The following PCDHGA12 variants were observed in gnomAD, a reference collection of about 807,000 sequenced individuals.
PCDHGA12 encodes the protein protocadherin gamma subfamily A, 12, also known as protocadherin gamma-A12.
Under a neutral mutation model 61.1 loss-of-function variants are expected in PCDHGA12, and 43 were observed. The observed-to-expected ratio is 0.70, with a 90% CI of 0.55 to 0.91. The LOEUF is 0.91. PCDHGA12 is among the 40% of genes least tolerant of loss of function. The probability of loss-of-function intolerance (pLI) is 0.00; values close to 1 mark genes in which losing one functional copy is unlikely to be tolerated. For synonymous variants in PCDHGA12, 520 were observed against 542.9 expected (o/e 0.96, Z 0.59); for missense variants, 1,236 against 1,227.7 (o/e 1.01, Z -0.10).
chr5:141,460,983 G>A (rs12516231), intron 1 of PCDHGA12, among the ~76,000 whole-genome samples: 37,603 of 137,412 alleles, frequency 0.27, 5,103 homozygotes, highest in Admixed American at 0.34. Flanking sequence ...GTGTGTGTGT[G>A]TATATATATA....
At chr5:141,445,782 G>A (rs530081823) in intron 1 of PCDHGA12, among the ~76,000 whole-genome samples, 1 of 152,310 alleles carries the variant, frequency 6.6e-6, no homozygotes, top group East Asian at 1.9e-4. Flanking sequence ...AAGGGCTAGG[G>A]AGGCTAGAAA....
At chr5:141,508,483 G>T (rs1186425031) in intron 3 of PCDHGA12, among the ~76,000 whole-genome samples, 2 of 152,154 alleles carry the variant, frequency 1.3e-5, no homozygotes, top group East Asian at 3.9e-4. Context: ...TTACATTCTG[G>T]ATTTCCATAT....
rs1414210927 is a variant in PCDHGA12, at chr5:141,477,460, C to G, written c.2425-17347C>G. 1.9e-6 allele frequency: 3 copies of G among 1,614,014 alleles called. No homozygotes were observed. The highest frequency in any genetic ancestry group is 2.5e-6 in the Non-Finnish European group (3 of 1,180,028). On this transcript the variant is annotated intron_variant, in intron 1 of 3. Transcript: ENST00000252085. The surrounding 1 kb of genome is among the most constrained non-coding windows in gnomAD (Gnocchi z 4.9). ...TTACAATAGTGCGTGTTCAAGTGTC[C>G]GACATCAATGACAACCCTCCACAAT...
rs2154591169 is a variant in PCDHGA12 at position 141,493,606 on chromosome 5, T to A, written c.2425-1201T>A. Among the ~76,000 whole-genome samples, 1 of 152,278 alleles carries A rather than the reference T, an allele frequency of 6.6e-6. No homozygotes were observed. Among genetic ancestry groups the A allele is most frequent in the Non-Finnish European group, 1.5e-5 (1 of 68,022 alleles). ...ACAATCACTGCATTTCCATGTAGAT[T>A]CTGCTGTGTCTAAGAATACAGTGGC... On this transcript the variant is annotated intron_variant, in intron 1 of 3. Transcript: ENST00000252085. This position sits in a 1 kb window ranked among gnomAD's most constrained non-coding sequence, Gnocchi z 4.3.
intron 2 of PCDHGA12, among the ~76,000 whole-genome samples, chr5:141,498,191 A>G (rs2099782212): frequency 6.6e-6 from 1 of 152,270 alleles, no homozygotes; most frequent in African/African-American, 2.4e-5. Flanking sequence ...CAAATTAACC[A>G]GCTAAAGAAA....
chr5:141,497,775 A>G (rs2099779384), intron 2 of PCDHGA12, among the ~76,000 whole-genome samples: 2 of 152,054 alleles, frequency 1.3e-5, no homozygotes, highest in South Asian at 4.2e-4. Context: ...CCCGACCTCA[A>G]CTGATCCACC....
At chr5:141,455,605 T>C (rs930071553) in intron 1 of PCDHGA12, among the ~76,000 whole-genome samples, 2 of 152,098 alleles carry the variant, frequency 1.3e-5, no homozygotes, top group African/African-American at 4.8e-5. Flanking sequence ...TAGGGCGCCA[T>C]GGATGTTCTA....
intron 1 of PCDHGA12, among the ~76,000 whole-genome samples, chr5:141,467,116 A>T (rs981562543): frequency 2.0e-5 from 3 of 150,560 alleles, no homozygotes; most frequent in Non-Finnish European, 4.4e-5. Flanking sequence ...ACAATGGTGC[A>T]ATCTCAGCTC....
rs915257485 is a variant in PCDHGA12, at chr5:141,476,018, A to T, written c.2425-18789A>T. ...AACGGCATCCAGAAAGCCATGTCGG[A>T]CTCGGCGCCCAGCGCCCAAGCGCTA... On this transcript the variant is annotated intron_variant, in intron 1 of 3. Transcript: ENST00000252085. This position sits in a 1 kb window ranked among gnomAD's most constrained non-coding sequence, Gnocchi z 7.6. The T allele has an allele frequency of 5.8e-6, 8 of 1,371,412 alleles. No homozygotes were observed. Among genetic ancestry groups the T allele is most frequent in the Non-Finnish European group, 7.9e-6 (8 of 1,016,908 alleles). The allele number at this position is 1,371,412 out of a possible 1,614,324, so 85.0% of individuals were successfully genotyped here.
intron 1 of PCDHGA12, 108 bp downstream of exon 1, chr5:141,433,291 T>C: frequency 9.1e-7 from 1 of 1,094,048 alleles, no homozygotes; most frequent in Non-Finnish European, 1.3e-6. Context: ...ACTCCTAGGC[T>C]CAAGCAATTA....
rs986276637 is a variant in PCDHGA12, at chr5:141,487,728, C to A, written c.2425-7079C>A. The A allele has an allele frequency of 3.2e-6, 5 of 1,570,444 alleles. No individual in the cohort carries two copies. The highest frequency in any genetic ancestry group is 2.3e-5 in the East Asian group (1 of 42,866). On this transcript the variant is annotated intron_variant, in intron 1 of 3. Transcript: ENST00000252085. The surrounding 1 kb of genome is among the most constrained non-coding windows in gnomAD (Gnocchi z 5.0). ...TCAGTAAGTGCCCATAGTGATGTCACCATTTTTGTAAGAGGTAACTATGTG... is the reference window on the plus strand; with the variant it reads ...TCAGTAAGTGCCCATAGTGATGTCAACATTTTTGTAAGAGGTAACTATGTG...
At chr5:141,484,311 C>T (rs1234690996) in intron 1 of PCDHGA12, among the ~76,000 whole-genome samples, 2 of 152,196 alleles carry the variant, frequency 1.3e-5, no homozygotes, top group African/African-American at 4.8e-5. Flanking sequence ...CTCCACCCCG[C>T]TTCCATACTG....
Position 141,431,682 on chromosome 5 carries a change from A to C in PCDHGA12, c.923A>C (p.Asp308Ala). The C allele has an allele frequency of 1.2e-6, 2 of 1,614,232 alleles. No homozygotes were observed. Among genetic ancestry groups the C allele is most frequent in the Non-Finnish European group, 1.7e-6 (2 of 1,180,042 alleles). ...ACAATATCAACAATAGGGGAGTTGG[A>C]CCACGAGGAGTCAGGATTCTACCAG... ...SGTISTIGEL[D>A]HEESGFYQME... The change falls in exon 1 of 4, where the codon GAC (aspartate) becomes GCC (alanine). Residue 308 changes from aspartate (D) to alanine (A), a missense_variant. Asp to Ala is a moderately radical substitution (Grantham distance 126, BLOSUM62 -2). Transcript: ENST00000252085. The surrounding 1 kb of genome is among the most constrained non-coding windows in gnomAD (Gnocchi z 4.8).
At chr5:141,482,530 C>CAAAAAAAAAAAA (rs3074545) in intron 1 of PCDHGA12, among the ~76,000 whole-genome samples, 11 of 76,552 alleles carry the variant, frequency 1.4e-4, no homozygotes, top group African/African-American at 2.9e-4. Flanking sequence ...GACAGACATG[C>CAAAAAAAAAAAA]AAAAAAAAAA....
rs202006594 is a variant in PCDHGA12 at position 141,477,618 on chromosome 5, C to G, written c.2425-17189C>G. On this transcript the variant is annotated intron_variant, in intron 1 of 3. Coordinates refer to ENST00000252085, the MANE Select transcript of PCDHGA12 (RefSeq NM_003735.3). The surrounding 1 kb of genome is among the most constrained non-coding windows in gnomAD (Gnocchi z 4.9). ...TCTTTCTTTCTCTTGGAGCAAGGAGCTGAAACCGGGCTAGTGGGTCGCTAT... is the reference window on the plus strand; with the variant it reads ...TCTTTCTTTCTCTTGGAGCAAGGAGGTGAAACCGGGCTAGTGGGTCGCTAT... 6.2e-7 allele frequency: 1 copy of G among 1,614,176 alleles called. No individual in the cohort carries two copies. Among genetic ancestry groups the G allele is most frequent in the East Asian group, 2.2e-5 (1 of 44,890 alleles).
At chr5:141,478,074 A>G in intron 1 of PCDHGA12, 1 of 1,614,090 alleles carries the variant, frequency 6.2e-7, no homozygotes, top group Non-Finnish European at 8.5e-7. Context: ...GACAATGGGG[A>G]GCCTTCGCTC....
At chr5:141,483,100 G>A (rs1051736065) in intron 1 of PCDHGA12, among the ~76,000 whole-genome samples, 11 of 152,078 alleles carry the variant, frequency 7.2e-5, no homozygotes, top group South Asian at 2.1e-4. Flanking sequence ...AAAAGTGTGC[G>A]TGTAAAACAG....
rs765376157 is a variant in PCDHGA12 at position 141,486,033 on chromosome 5, A to G, written c.2425-8774A>G. 4.3e-6 allele frequency: 7 copies of G among 1,614,148 alleles called. No individual in the cohort carries two copies. The highest frequency in any genetic ancestry group is 5.9e-6 in the Non-Finnish European group (7 of 1,180,014). ...TTTTATTTCAGTGGTCATACCCCTG[A>G]TCGTGTAAGAAACCTCTTTAGCCTG... On this transcript the variant is annotated intron_variant, in intron 1 of 3. Transcript: ENST00000252085. This position sits in a 1 kb window ranked among gnomAD's most constrained non-coding sequence, Gnocchi z 5.0.
chr5:141,437,956 T>A (rs998689841), intron 1 of PCDHGA12, among the ~76,000 whole-genome samples: 6 of 152,178 alleles, frequency 3.9e-5, no homozygotes, highest in African/African-American at 1.4e-4. Context: ...CAGAATGGTC[T>A]TGATCTCTTG....
Sources: gnomAD v4.1 joint callset for allele counts (sites outside exome capture counted in the v4.1 genomes callset) on GRCh38, gnomAD v4.1.1 for gene constraint, Gnocchi (gnomAD v3.1) non-coding constraint, MANE v1.5 for transcripts, NCBI Gene and HGNC (gene_info 2026-07-23, HGNC 2026-07-21) for gene names.